The following RNASE11 variants were observed in gnomAD, a reference collection of about 807,000 sequenced individuals.
RNASE11 encodes the protein ribonuclease A family member 11 (inactive), also known as putative inactive ribonuclease 11.
For missense variants in RNASE11, 252 were observed against 237.8 expected, an observed-to-expected ratio of 1.06 and a Z score of -0.39; for synonymous variants, 105 against 86.1, an observed-to-expected ratio of 1.22 and a Z score of -1.21.
chr14:20,584,500 C>T lies in RNASE11; in HGVS notation c.-22-4G>A, dbSNP rs758249529. On this transcript the variant is annotated splice_region_variant and splice_polypyrimidine_tract_variant and intron_variant, in intron 1 of 1. Coordinates refer to ENST00000553849, the Ensembl canonical transcript of RNASE11. ...CTCAGATGTAGTGTAATCTCTTCTG[C>T]AGTAAAGACAATAAATGAAAGATAA... is the stretch of plus-strand genomic sequence containing the variant. 1 of 1,533,462 alleles carries T rather than the reference C, an allele frequency of 6.5e-7. No homozygotes were observed. The highest frequency in any genetic ancestry group is 8.7e-7 in the Non-Finnish European group (1 of 1,145,540). 95.0% of individuals were successfully genotyped at this position (1,533,462 alleles called of 1,614,324 possible).
At chr14:20,583,260 C>T (rs913366501), downstream of RNASE11, 6 of 152,264 alleles carry the variant, frequency 3.9e-5, no homozygotes, top group African/African-American at 1.4e-4. Flanking sequence ...ATTTTCTTCT[C>T]TTTACAGCAA....
chr14:20,588,942 A>G (rs1304701265), upstream of RNASE11, among the ~76,000 whole-genome samples: 1 of 151,864 alleles, frequency 6.6e-6, no homozygotes, highest in Non-Finnish European at 1.5e-5. Context: ...GTGCACCACC[A>G]CACCCAACTA....
At chr14:20,583,975 G>A in exon 2 of RNASE11, 1 of 1,614,140 alleles carries the variant, frequency 6.2e-7, no homozygotes, top group African/African-American at 1.3e-5. Context: ...TTGGCACCTG[G>A]GGAATTGTTT....
chr14:20,583,449 AGAG>A (rs906848859), downstream of RNASE11: 17 of 172,524 alleles, frequency 9.9e-5, no homozygotes, highest in Non-Finnish European at 2.0e-4. Flanking sequence ...CCCTTTGAAG[AGAG>A]TAGTGATAAT....
chr14:20,587,370 C>T (rs1312474370), intron 1 of RNASE11, among the ~76,000 whole-genome samples, 193 bp downstream of exon 2: 3 of 151,550 alleles, frequency 2.0e-5, no homozygotes, highest in East Asian at 1.9e-4. Flanking sequence ...GGAGGAGCTT[C>T]GGTGAAGAAG....
chr14:20,583,457 GATA>G (rs1457550988), downstream of RNASE11: 10 of 176,482 alleles, frequency 5.7e-5, no homozygotes, highest in South Asian at 1.3e-4. Context: ...AGAGAGTAGT[GATA>G]ATAATATATG....
chr14:20,589,531 G>A (rs1166978677), upstream of RNASE11, among the ~76,000 whole-genome samples: 4 of 151,828 alleles, frequency 2.6e-5, no homozygotes, highest in Non-Finnish European at 4.4e-5. Flanking sequence ...GGGATTACAG[G>A]CGTGAGCCAC....
intron 1 of RNASE11, among the ~76,000 whole-genome samples, chr14:20,587,180 T>C (rs1435159737): frequency 6.6e-6 from 1 of 152,156 alleles, no homozygotes; most frequent in Non-Finnish European, 1.5e-5. Context: ...TATATGTATA[T>C]ACATATTTAG....
At chr14:20,584,584 C>A in intron 1 of RNASE11, 88 bp from the exon 3 acceptor site, 1 of 1,116,138 alleles carries the variant, frequency 9.0e-7, no homozygotes. Flanking sequence ...CTGGTAGGGA[C>A]CCCTACATGT....
exon 2 of RNASE11, chr14:20,584,317 A>C (rs577571416): frequency 6.2e-7 from 1 of 1,614,080 alleles, no homozygotes; most frequent in Non-Finnish European, 8.5e-7. Context: ...GATCGGGTTC[A>C]TTAATATCTC....
intron 1 of RNASE11, among the ~76,000 whole-genome samples, chr14:20,586,263 T>C (rs1315589834): frequency 6.6e-6 from 1 of 152,228 alleles, no homozygotes; most frequent in Non-Finnish European, 1.5e-5. Context: ...ACTTAGCTTC[T>C]TTCTTGAATG....
intron 1 of RNASE11, among the ~76,000 whole-genome samples, chr14:20,586,967 T>G (rs991857323): frequency 1.3e-5 from 2 of 152,048 alleles, no homozygotes; most frequent in African/African-American, 4.8e-5. Flanking sequence ...CTAGGCAACA[T>G]AGTGAGAATC....
chr14:20,585,729 G>T (rs1884421049), intron 1 of RNASE11, among the ~76,000 whole-genome samples: 1 of 152,144 alleles, frequency 6.6e-6, no homozygotes, highest in Non-Finnish European at 1.5e-5. Context: ...ATTCATAGCT[G>T]CCTGAGTTTT....
chr14:20,586,916 A>AC (rs1292778163), intron 1 of RNASE11, among the ~76,000 whole-genome samples: 1 of 152,224 alleles, frequency 6.6e-6, no homozygotes, highest in Non-Finnish European at 1.5e-5. Context: ...TTGGGAGGCC[A>AC]ATGCGGGAGG....
chr14:20,589,347 G>A (rs111750822), upstream of RNASE11, among the ~76,000 whole-genome samples: 4,206 of 150,886 alleles, frequency 0.028, 91 homozygotes, highest in South Asian at 0.045. Context: ...TCCGCCTCCT[G>A]GGTTCACGCC....
intron 1 of RNASE11, among the ~76,000 whole-genome samples, chr14:20,587,274 C>G (rs1884454939): frequency 6.6e-6 from 1 of 152,140 alleles, no homozygotes; most frequent in Non-Finnish European, 1.5e-5. Flanking sequence ...TGGTGTTGAT[C>G]CCTATTGAAT....
At chr14:20,583,439 C>T (rs1477079056), downstream of RNASE11, 1 of 169,670 alleles carries the variant, frequency 5.9e-6, no homozygotes, top group African/African-American at 2.4e-5. Context: ...TGAGCACATA[C>T]CCTTTGAAGA....
Position 20,586,258 on chromosome 14 carries a change from G to A in RNASE11, c.-23+1305C>T, listed in dbSNP as rs150552780. 5.8e-3 allele frequency among the ~76,000 whole-genome samples: 888 copies of A among 152,122 alleles called. 12 individuals carry two copies. The highest frequency in any genetic ancestry group is 0.021 in the African/African-American group (857 of 41,522). On this transcript the variant is annotated intron_variant, in intron 1 of 1. Transcript: ENST00000553849. The stretch of plus-strand genomic sequence containing the variant: ...TACCCTATGCCATCTCTCCCACTTA[G>A]CTTCTTTCTTGAATGGCTATTCTTT...
chr14:20,583,660 G>C (rs1884358924), exon 2 of RNASE11: 1 of 243,100 alleles, frequency 4.1e-6, no homozygotes, highest in East Asian at 9.3e-5. Flanking sequence ...CCCACACAGA[G>C]AGAGAGATAG....
Sources: gnomAD v4.1 joint callset for allele counts (sites outside exome capture counted in the v4.1 genomes callset) on GRCh38, gnomAD v4.1.1 for gene constraint, MANE v1.5 for transcripts, NCBI Gene and HGNC (gene_info 2026-07-23, HGNC 2026-07-21) for gene names.